The following INPP4B variants were observed in gnomAD, a reference collection of about 807,000 sequenced individuals.
INPP4B encodes the protein inositol polyphosphate-4-phosphatase type II B.
In INPP4B, 55 loss-of-function variants were observed where a neutral mutation model predicts 122.5. The observed-to-expected ratio is 0.45, with a 90% confidence interval of 0.36 to 0.56. The LOEUF (loss-of-function observed/expected upper bound fraction) is 0.56. Ranked by LOEUF, INPP4B falls within the 20% of genes least tolerant of loss-of-function variation. INPP4B has a pLI of 0.00. For synonymous variants in INPP4B, 403 were observed against 388.7 expected, an observed-to-expected ratio of 1.04 and a Z score of -0.43; for missense variants, 1,000 against 1,097.7, an observed-to-expected ratio of 0.91 and a Z score of 1.26.
intron 7 of INPP4B, among the ~76,000 whole-genome samples, chr4:142,379,804 A>G (rs751763981): frequency 2.6e-5 from 4 of 152,224 alleles, no homozygotes; most frequent in Non-Finnish European, 4.4e-5. Context: ...ATGTGTCCTC[A>G]GTGTCCACGT....
chr4:142,771,352 G>C (rs1773033300), intron 1 of INPP4B, among the ~76,000 whole-genome samples: 1 of 152,096 alleles, frequency 6.6e-6, no homozygotes, highest in African/African-American at 2.4e-5. Context: ...TTTAAAACGG[G>C]AATGTTATGA....
chr4:142,424,196 T>C (rs115088966), intron 5 of INPP4B, among the ~76,000 whole-genome samples: 3,630 of 152,134 alleles, frequency 0.024, 58 homozygotes, highest in Middle Eastern at 0.051. Flanking sequence ...AAAATTTTTA[T>C]GCAATCCCTA....
chr4:142,837,219 G>A lies in INPP4B; in HGVS notation c.-254+8990C>T, dbSNP rs140046633. 2.7e-3 allele frequency among the ~76,000 whole-genome samples: 416 copies of A among 151,440 alleles called. 1 individual carries two copies. The highest frequency in any genetic ancestry group is 4.5e-3 in the Non-Finnish European group (307 of 67,882). Reference sequence around the variant, plus strand: ...AACCAAGGTCTCAATATGCAAACAGGTTAAAGATATGAATTAGCACTACAA... The same window carrying A: ...AACCAAGGTCTCAATATGCAAACAGATTAAAGATATGAATTAGCACTACAA... On this transcript the variant is annotated intron_variant, in intron 1 of 25. Transcript: ENST00000262992.
At chr4:142,077,484 C>T (rs531777013) in intron 25 of INPP4B, among the ~76,000 whole-genome samples, 15 of 151,932 alleles carry the variant, frequency 9.9e-5, no homozygotes, top group Middle Eastern at 3.4e-3. Flanking sequence ...TCAAATATGA[C>T]ATTTTAAAAT....
intron 2 of INPP4B, among the ~76,000 whole-genome samples, chr4:142,612,923 T>A (rs1377355107): frequency 6.6e-6 from 1 of 152,188 alleles, no homozygotes; most frequent in Non-Finnish European, 1.5e-5. Flanking sequence ...AAAGTTATTA[T>A]TTCCTGGACC....
chr4:142,384,033 G>T, intron 7 of INPP4B: 1 of 700,776 alleles, frequency 1.4e-6, no homozygotes, highest in Non-Finnish European at 2.6e-6. Context: ...ATTTGAACAG[G>T]TGACTGAGCA....
intron 2 of INPP4B, among the ~76,000 whole-genome samples, chr4:142,691,509 G>GA (rs1290609990): frequency 2.6e-5 from 4 of 151,728 alleles, no homozygotes; most frequent in Non-Finnish European, 5.9e-5. Context: ...GAAAACCACT[G>GA]AAAAAAATGT....
chr4:142,635,275 T>G (rs188415000), intron 2 of INPP4B, among the ~76,000 whole-genome samples: 9 of 152,212 alleles, frequency 5.9e-5, no homozygotes, highest in Admixed American at 5.9e-4. Flanking sequence ...TTAAATTAGC[T>G]CAATTATTGT....
At chr4:142,495,987 G>A (rs932311057) in intron 2 of INPP4B, among the ~76,000 whole-genome samples, 4 of 151,606 alleles carry the variant, frequency 2.6e-5, no homozygotes, top group African/African-American at 4.9e-5. Context: ...GTTTTCGCCT[G>A]TCTGAACTTT....
chr4:142,297,069 G>C (rs1479576804), intron 9 of INPP4B, among the ~76,000 whole-genome samples: 1 of 152,100 alleles, frequency 6.6e-6, no homozygotes, highest in Non-Finnish European at 1.5e-5. Context: ...ACCTCTAAAA[G>C]CAAAACTTTG....
At chr4:142,404,422 C>T (rs1036805787) in intron 6 of INPP4B, among the ~76,000 whole-genome samples, 2 of 152,162 alleles carry the variant, frequency 1.3e-5, no homozygotes, top group African/African-American at 2.4e-5. Flanking sequence ...ATACTTTCTC[C>T]AGCCCCAGAT....
intron 3 of INPP4B, among the ~76,000 whole-genome samples, chr4:142,437,920 G>C (rs138794113): frequency 0.015 from 2,272 of 152,222 alleles, 38 homozygotes; most frequent in South Asian, 0.053. Flanking sequence ...GGATCAGACA[G>C]ATTCACAGCT....
At chr4:142,562,315 T>C (rs1730646402) in intron 2 of INPP4B, among the ~76,000 whole-genome samples, 1 of 152,242 alleles carries the variant, frequency 6.6e-6, no homozygotes, top group Non-Finnish European at 1.5e-5. Context: ...TAAGCCTCAG[T>C]ACCTTCAATA....
At chr4:142,538,860 T>G (rs1019827609) in intron 2 of INPP4B, among the ~76,000 whole-genome samples, 6 of 151,912 alleles carry the variant, frequency 3.9e-5, no homozygotes, top group Non-Finnish European at 5.9e-5. Flanking sequence ...CCATGCATTT[T>G]CTTGCCAATG....
chr4:142,515,869 G>A (rs914687153), intron 2 of INPP4B, among the ~76,000 whole-genome samples: 1 of 152,018 alleles, frequency 6.6e-6, no homozygotes, highest in African/African-American at 2.4e-5. Context: ...TTAAATGCTT[G>A]TTTTATTGGA....
chr4:142,127,917 G>A (rs1799341463), intron 18 of INPP4B, among the ~76,000 whole-genome samples: 1 of 152,026 alleles, frequency 6.6e-6, no homozygotes, highest in African/African-American at 2.4e-5. Flanking sequence ...AATAAACACA[G>A]TGGCTACGAC....
chr4:142,263,351 GTTTC>G (rs983411575), intron 10 of INPP4B, among the ~76,000 whole-genome samples: 2 of 151,834 alleles, frequency 1.3e-5, no homozygotes, highest in Admixed American at 6.6e-5. Flanking sequence ...TGTTCTGTAA[GTTTC>G]TTTATTTTTC....
At chr4:142,373,043 A>T (rs535646696) in intron 7 of INPP4B, among the ~76,000 whole-genome samples, 59 of 152,190 alleles carry the variant, frequency 3.9e-4, no homozygotes, top group Non-Finnish European at 2.9e-5. Flanking sequence ...TTTAAACTGA[A>T]TCATTTATAT....
intron 5 of INPP4B, chr4:142,426,829 G>A (rs998005476): frequency 4.6e-5 from 7 of 151,894 alleles, no homozygotes; most frequent in African/African-American, 1.7e-4. Context: ...CAAGGTCATT[G>A]AAATTCCTAA....
Sources: allele counts gnomAD v4.1 joint callset (sites outside exome capture counted in the v4.1 genomes callset), GRCh38; gene constraint gnomAD v4.1.1; transcripts MANE v1.5; gene names NCBI Gene and HGNC (gene_info 2026-07-23, HGNC 2026-07-21).